BCR: variants seen among roughly 807,000 people sequenced by gnomAD.
BCR encodes BCR activator of RhoGEF and GTPase.
A neutral mutation model predicts 138.6 loss-of-function variants in BCR; 58 were observed. The ratio of observed to expected loss-of-function variants is 0.42; its 90% CI spans 0.34 to 0.52. The LOEUF (loss-of-function observed/expected upper bound fraction) is 0.52. Ranked by LOEUF, BCR falls within the 20% of genes least tolerant of loss-of-function variation. BCR has a pLI of 0.06. For missense variants in BCR, 1,599 were observed against 1,727.2 expected, an observed-to-expected ratio of 0.93 and a Z score of 1.32; for synonymous variants, 786 against 730.1, an observed-to-expected ratio of 1.08 and a Z score of -1.23.
intron 16 of BCR, among the ~76,000 whole-genome samples, chr22:23,301,632 T>C (rs976591515): frequency 1.3e-5 from 2 of 152,254 alleles, no homozygotes; most frequent in Non-Finnish European, 2.9e-5. Context: ...AACCGTGCCA[T>C]CTGAGCCACC....
chr22:23,282,083 C>T (rs763872269), intron 8 of BCR, among the ~76,000 whole-genome samples: 2 of 152,246 alleles, frequency 1.3e-5, no homozygotes, highest in Non-Finnish European at 1.5e-5. Flanking sequence ...AAGGAAGGCG[C>T]CTGAGACCCC....
chr22:23,256,817 G>C (rs1176224650), intron 2 of BCR, among the ~76,000 whole-genome samples: 1 of 152,126 alleles, frequency 6.6e-6, no homozygotes, highest in Non-Finnish European at 1.5e-5. Flanking sequence ...TTATTCACCT[G>C]TTCTCTGTTG....
intron 16 of BCR, among the ~76,000 whole-genome samples, chr22:23,305,742 A>C (rs916247438): frequency 2.6e-5 from 4 of 152,124 alleles, no homozygotes; most frequent in Non-Finnish European, 5.9e-5. Context: ...AGGAGCAGCA[A>C]CCTGGTCCAT....
chr22:23,249,885 G>A (rs535124950), intron 1 of BCR, among the ~76,000 whole-genome samples: 1 of 152,312 alleles, frequency 6.6e-6, no homozygotes, highest in South Asian at 2.1e-4. Flanking sequence ...AAAAGCATCA[G>A]TCACCCAGAC....
intron 17 of BCR, 104 bp from the exon 18 acceptor site, chr22:23,310,220 G>A (rs2073992251): frequency 1.8e-6 from 1 of 570,754 alleles, no homozygotes; most frequent in Admixed American, 2.5e-5. Flanking sequence ...ACCTCTGCAT[G>A]CCTTGGGGGT....
At chr22:23,183,279 G>A (rs1409350835) in intron 1 of BCR, among the ~76,000 whole-genome samples, 1 of 152,164 alleles carries the variant, frequency 6.6e-6, no homozygotes, top group Non-Finnish European at 1.5e-5. Flanking sequence ...TTGGAGTCCT[G>A]GTCCCTGTTA....
Position 23,315,949 on chromosome 22 carries a change from C to T in BCR, c.*427C>T. ...GTATCTTGAATAAACGCTGCTGCTTCATCCTGTGGGGGCCGTGGCCCTGTC... is the reference window on the plus strand; with the variant it reads ...GTATCTTGAATAAACGCTGCTGCTTTATCCTGTGGGGGCCGTGGCCCTGTC... On this transcript the variant is annotated 3_prime_UTR_variant, in exon 23 of 23. Coordinates refer to ENST00000305877, the MANE Select transcript of BCR (RefSeq NM_004327.4). 3 of 369,108 alleles carry T rather than the reference C, an allele frequency of 8.1e-6. No individual in the cohort carries two copies. The South Asian group carries it at 8.3e-5, about 10-fold the overall frequency. 22.9% of individuals were successfully genotyped at this position (369,108 alleles called of 1,614,324 possible).
At chr22:23,197,050 A>G (rs571421917) in intron 1 of BCR, among the ~76,000 whole-genome samples, 1 of 152,314 alleles carries the variant, frequency 6.6e-6, no homozygotes, top group Admixed American at 6.5e-5. Context: ...AATCATCTTG[A>G]GATTACTTAT....
chr22:23,290,776 C>T (rs993072441), intron 14 of BCR: 3 of 286,102 alleles, frequency 1.0e-5, no homozygotes, highest in South Asian at 9.0e-5. Flanking sequence ...ACCTTCACCC[C>T]ACAGCAGAGC....
At chr22:23,209,359 CA>C (rs111327033) in intron 1 of BCR, among the ~76,000 whole-genome samples, 1 of 149,222 alleles carries the variant, frequency 6.7e-6, no homozygotes, top group Non-Finnish European at 1.5e-5. Context: ...GACTCTGTCT[CA>C]AAAAAAAAGA....
chr22:23,234,750 C>T (rs1268926297), intron 1 of BCR, among the ~76,000 whole-genome samples: 2 of 108,764 alleles, frequency 1.8e-5, no homozygotes, highest in Non-Finnish European at 4.8e-5. Flanking sequence ...GGGGACTGTG[C>T]GAAGCCATGA....
At chr22:23,273,504 A>T in intron 7 of BCR, 130 bp from the exon 8 acceptor site, 1 of 1,260,256 alleles carries the variant, frequency 7.9e-7, no homozygotes, top group Non-Finnish European at 1.1e-6. Flanking sequence ...GGCCCAAGTG[A>T]GAGAGACTGT....
At chr22:23,290,097 G>A (rs923716403) in intron 13 of BCR, 12 of 582,452 alleles carry the variant, frequency 2.1e-5, no homozygotes, top group Non-Finnish European at 1.9e-5. Flanking sequence ...TGCTGTCCTT[G>A]GAACCTTATT....
intron 2 of BCR, among the ~76,000 whole-genome samples, chr22:23,259,517 A>T (rs1023198436): frequency 3.0e-4 from 43 of 141,232 alleles, no homozygotes; most frequent in South Asian, 1.6e-3. Context: ...CAAAAAAAAA[A>T]TTTTTTTTTT....
intron 16 of BCR, among the ~76,000 whole-genome samples, chr22:23,304,099 ATTT>A (rs56805241): frequency 0.095 from 9,642 of 101,968 alleles, 337 homozygotes; most frequent in East Asian, 0.15. Flanking sequence ...ATGCCAGGCT[ATTT>A]TTTTTTTTTT....
rs778098097 is a variant in BCR at position 23,261,558 on chromosome 22, G to A, written c.1752+18G>A. The A allele has an allele frequency of 4.0e-5, 65 of 1,608,870 alleles. No individual in the cohort carries two copies. The highest frequency in any genetic ancestry group is 8.9e-5 in the East Asian group (4 of 44,874). ...AGAAGCTGGTGAGTAACCCAGGGCC[G>A]GTGCTGGGACTACAGGCGTGTACCA... On this transcript the variant is annotated intron_variant, in intron 4 of 22. Transcript: ENST00000305877.
intron 1 of BCR, among the ~76,000 whole-genome samples, chr22:23,230,869 A>G (rs929865294): frequency 7.2e-5 from 11 of 152,120 alleles, no homozygotes; most frequent in Non-Finnish European, 1.5e-4. Flanking sequence ...TAGAGAACCC[A>G]TCCCACGCAG....
chr22:23,306,714 G>A (rs1041846301), intron 16 of BCR: 2 of 152,260 alleles, frequency 1.3e-5, no homozygotes, highest in Non-Finnish European at 1.5e-5. Context: ...CTCAAAGCCT[G>A]GTCAAAAGGC....
At position 23,260,932 on chromosome 22, in the gene BCR, T is replaced by G; in HGVS notation, c.1462-18T>G. ...CCTACCACCCTTCCAGGCTGACTTC[T>G]GTCTATTTCTCCTGCAGAGTGAGCT... On this transcript the variant is annotated intron_variant, in intron 2 of 22. Coordinates refer to ENST00000305877, the MANE Select transcript of BCR (RefSeq NM_004327.4). 1 of 1,611,276 alleles carries G rather than the reference T, an allele frequency of 6.2e-7. No individual in the cohort carries two copies. The highest frequency in any genetic ancestry group is 8.5e-7 in the Non-Finnish European group (1 of 1,177,532).
Sources: gnomAD v4.1 joint callset for allele counts (sites outside exome capture counted in the v4.1 genomes callset) on GRCh38, gnomAD v4.1.1 for gene constraint, MANE v1.5 for transcripts, NCBI Gene and HGNC (gene_info 2026-07-23, HGNC 2026-07-21) for gene names.